Variants in EPS15L1 observed in about 807,000 individuals in gnomAD.
EPS15L1 encodes the protein epidermal growth factor receptor substrate 15-like 1.
Under a neutral mutation model 117.1 loss-of-function variants are expected in EPS15L1, and 43 were observed. That is an observed-to-expected ratio of 0.37 (90% CI 0.29 to 0.47). The LOEUF is 0.47. EPS15L1 is among the 20% of genes least tolerant of loss of function. The pLI is 0.99. For synonymous variants in EPS15L1, 459 were observed against 470.5 expected (o/e 0.98, Z 0.32); for missense variants, 981 against 1,164.0 (o/e 0.84, Z 2.29).
At chr19:16,398,495 C>A (rs957479474) in intron 16 of EPS15L1, among the ~76,000 whole-genome samples, 1 of 152,150 alleles carries the variant, frequency 6.6e-6, no homozygotes, top group Non-Finnish European at 1.5e-5. Flanking sequence ...AGAAGTCCTA[C>A]TCTAAAGAAG....
intron 6 of EPS15L1, chr19:16,436,691 T>C (rs2092981745): frequency 6.9e-6 from 3 of 432,942 alleles, no homozygotes; most frequent in Non-Finnish European, 1.2e-5. Flanking sequence ...TGACACTTAG[T>C]TGTCCAGGTA....
intron 1 of EPS15L1, among the ~76,000 whole-genome samples, chr19:16,452,755 G>A (rs2093158617): frequency 6.6e-6 from 1 of 151,880 alleles, no homozygotes. Context: ...TGGGTACATG[G>A]GAATTCATTA....
At chr19:16,415,053 G>T (rs1178577268) in intron 12 of EPS15L1, among the ~76,000 whole-genome samples, 2 of 152,092 alleles carry the variant, frequency 1.3e-5, no homozygotes, top group Non-Finnish European at 2.9e-5. Flanking sequence ...GTATTTCCTA[G>T]CACTGCTGTA....
At chr19:16,413,502 A>T in intron 13 of EPS15L1, 1 of 725,136 alleles carries the variant, frequency 1.4e-6, no homozygotes. Flanking sequence ...TCAGGAGTTC[A>T]CTGACCACCT....
At chr19:16,406,153 C>T (rs2092654383) in intron 13 of EPS15L1, among the ~76,000 whole-genome samples, 1 of 152,136 alleles carries the variant, frequency 6.6e-6, no homozygotes, top group Admixed American at 6.5e-5. Context: ...AGAGGTGGCC[C>T]AGGGTCTCCC....
chr19:16,377,072 G>C (rs1463068901), intron 22 of EPS15L1, 50 bp downstream of exon 22: 4 of 1,547,048 alleles, frequency 2.6e-6, no homozygotes, highest in Non-Finnish European at 3.5e-6. Context: ...CTGGTCCCCC[G>C]CCATCCGGCA....
rs2092114321 is a variant in EPS15L1, at chr19:16,365,019, C to T, written c.2381-3035G>A. ...TGGCACCTCCTTCCCCAGGAACCCCCAAACCCAGGGCTTCTTTCCTGGCTA... is the reference window on the plus strand; with the variant it reads ...TGGCACCTCCTTCCCCAGGAACCCCTAAACCCAGGGCTTCTTTCCTGGCTA... On this transcript the variant is annotated intron_variant, in intron 22 of 23. Transcript: ENST00000455140. This position sits in a 1 kb window ranked among gnomAD's most constrained non-coding sequence, Gnocchi z 4.9. Among the ~76,000 whole-genome samples, 1 of 152,230 alleles carries T rather than the reference C, an allele frequency of 6.6e-6. No homozygotes were observed. The highest frequency in any genetic ancestry group is 2.4e-5 in the African/African-American group (1 of 41,476).
At chr19:16,433,352 G>A (rs1052355880) in intron 7 of EPS15L1, among the ~76,000 whole-genome samples, 11 of 149,250 alleles carry the variant, frequency 7.4e-5, no homozygotes, top group East Asian at 4.0e-4. Flanking sequence ...GGCTGTTCTC[G>A]AACTCCTGAC....
rs942320692 is a variant in EPS15L1, at chr19:16,381,681, C to T, written c.2247+3448G>A. Among the ~76,000 whole-genome samples, 5 of 152,174 alleles carry T rather than the reference C, an allele frequency of 3.3e-5. No homozygotes were observed. The highest frequency in any genetic ancestry group is 7.3e-5 in the Non-Finnish European group (5 of 68,032). ...TGCCCCAGTTGTCCCCAGGCCTGTC[C>T]GAGACATGAGGGGCAGTGTCGGCCT... On this transcript the variant is annotated intron_variant, in intron 21 of 23. Coordinates refer to ENST00000455140, the MANE Select transcript of EPS15L1 (RefSeq NM_001258374.3). This position sits in a 1 kb window ranked among gnomAD's most constrained non-coding sequence, Gnocchi z 4.2.
Position 16,371,737 on chromosome 19 carries a change from C to T in EPS15L1, c.2380+5385G>A, listed in dbSNP as rs993234059. ...AGCAGGGCTGAGGCCCAATCACTGA[C>T]ACCCACACAGCCGTTTCCTGCACTT... On this transcript the variant is annotated intron_variant, in intron 22 of 23. Transcript: ENST00000455140. The surrounding 1 kb of genome is among the most constrained non-coding windows in gnomAD (Gnocchi z 4.7). 1.3e-5 allele frequency among the ~76,000 whole-genome samples: 2 copies of T among 151,772 alleles called. No individual in the cohort carries two copies. Among genetic ancestry groups the T allele is most frequent in the Non-Finnish European group, 2.9e-5 (2 of 67,998 alleles).
chr19:16,439,653 T>C (rs994920033), intron 4 of EPS15L1, among the ~76,000 whole-genome samples: 2 of 151,932 alleles, frequency 1.3e-5, no homozygotes, highest in Non-Finnish European at 1.5e-5. Flanking sequence ...ATCGCACCAC[T>C]GCACTCCAGC....
chr19:16,374,924 C>G (rs1252349464), intron 22 of EPS15L1, among the ~76,000 whole-genome samples: 1 of 152,218 alleles, frequency 6.6e-6, no homozygotes, highest in African/African-American at 2.4e-5. Flanking sequence ...TAATGCTCAC[C>G]TGTATTCATG....
upstream of EPS15L1, chr19:16,471,971 G>A (rs1446721065): frequency 3.9e-6 from 5 of 1,278,298 alleles, no homozygotes; most frequent in South Asian, 5.0e-5. This position sits in a 1 kb window ranked among gnomAD's most constrained non-coding sequence, Gnocchi z 4.8. Context: ...GGCTCCGAGC[G>A]CCGGGGGAAC....
At chr19:16,452,564 G>A (rs2093156225) in intron 1 of EPS15L1, among the ~76,000 whole-genome samples, 1 of 149,622 alleles carries the variant, frequency 6.7e-6, no homozygotes, top group East Asian at 2.0e-4. Context: ...AGGCTGCAGT[G>A]AGCTATGATC....
At chr19:16,391,743 G>C (rs1276574099) in intron 19 of EPS15L1, among the ~76,000 whole-genome samples, 2 of 151,950 alleles carry the variant, frequency 1.3e-5, no homozygotes, top group African/African-American at 4.8e-5. Context: ...AGGTATGCTG[G>C]AGTTGGAAAC....
chr19:16,393,035 C>T (rs547680418), intron 18 of EPS15L1, among the ~76,000 whole-genome samples: 42 of 150,754 alleles, frequency 2.8e-4, no homozygotes, highest in African/African-American at 9.5e-4. Context: ...GAGTAAAACC[C>T]CATCTCTAAA....
intron 22 of EPS15L1, among the ~76,000 whole-genome samples, chr19:16,374,902 G>A (rs2092274922): frequency 6.6e-6 from 1 of 152,236 alleles, no homozygotes; most frequent in African/African-American, 2.4e-5. Flanking sequence ...CATGCATTAT[G>A]CAATATCTGT....
At chr19:16,469,928 C>G (rs1473906594) in intron 1 of EPS15L1, among the ~76,000 whole-genome samples, 1 of 152,190 alleles carries the variant, frequency 6.6e-6, no homozygotes, top group African/African-American at 2.4e-5. Context: ...CAGTAAGGGC[C>G]TGGGAGGGCC....
intron 17 of EPS15L1, 92 bp downstream of exon 17, chr19:16,395,252 G>T: frequency 8.0e-7 from 1 of 1,253,248 alleles, no homozygotes; most frequent in Non-Finnish European, 1.1e-6. Context: ...TCAGATTGTG[G>T]CATGTCCTTA....
Sources: gnomAD v4.1 joint callset for allele counts (sites outside exome capture counted in the v4.1 genomes callset) on GRCh38, gnomAD v4.1.1 for gene constraint, Gnocchi (gnomAD v3.1) non-coding constraint, MANE v1.5 for transcripts, NCBI Gene and HGNC (gene_info 2026-07-23, HGNC 2026-07-21) for gene names.